Variants in MSRB3 observed in about 807,000 individuals in gnomAD.
The protein encoded by MSRB3 is methionine sulfoxide reductase B3.
A neutral mutation model predicts 21.0 loss-of-function variants in MSRB3; 13 were observed. That is an observed-to-expected ratio of 0.62 (90% confidence interval 0.40 to 0.98). MSRB3 has a LOEUF of 0.98. Ranked by LOEUF, MSRB3 falls within the 50% of genes least tolerant of loss-of-function variation. The probability of loss-of-function intolerance (pLI) is 0.00; values close to 1 mark genes in which losing one functional copy is unlikely to be tolerated. For missense variants in MSRB3, 199 were observed against 230.3 expected (o/e 0.86, Z 0.88); for synonymous variants, 87 against 88.6 (o/e 0.98, Z 0.10).
Position 65,425,181 on chromosome 12 carries a change from C to G in MSRB3, c.293-28547C>G, listed in dbSNP as rs151027323. ...TCTGATATAAATATAGCTACACATA[C>G]TCTCTTGGTTTCTATTTACATGGAA... On this transcript the variant is annotated intron_variant, in intron 5 of 6. Transcript: ENST00000308259. Among the ~76,000 whole-genome samples, 4 of 109,710 alleles carry G rather than the reference C, an allele frequency of 3.6e-5. No individual in the cohort carries two copies. In the East Asian group the frequency reaches 1.1e-3, roughly 29 times the overall value. The allele number at this position is 109,710 out of a possible 152,430, so 72.0% of individuals were successfully genotyped here.
chr12:65,373,151 A>G (rs1878415897), intron 5 of MSRB3, among the ~76,000 whole-genome samples: 2 of 152,326 alleles, frequency 1.3e-5, no homozygotes, highest in Middle Eastern at 3.4e-3. Flanking sequence ...TTTCAAGAAC[A>G]TGCACGTCTC....
At chr12:65,360,789 T>C (rs1411683186) in intron 4 of MSRB3, among the ~76,000 whole-genome samples, 1 of 152,224 alleles carries the variant, frequency 6.6e-6, no homozygotes, top group Non-Finnish European at 1.5e-5. Flanking sequence ...CCAGGTCTTC[T>C]GATTCTTACT....
intron 5 of MSRB3, among the ~76,000 whole-genome samples, chr12:65,384,103 T>C (rs887700936): frequency 1.3e-5 from 2 of 152,216 alleles, no homozygotes; most frequent in African/African-American, 2.4e-5. Context: ...TTGTAACCAG[T>C]TTTAAAGAAA....
At chr12:65,428,193 A>G (rs1199650109) in intron 5 of MSRB3, among the ~76,000 whole-genome samples, 2 of 152,234 alleles carry the variant, frequency 1.3e-5, no homozygotes, top group Non-Finnish European at 2.9e-5. Context: ...GCTGAGGACC[A>G]TGGTGGTTTT....
chr12:65,293,628 A>G (rs1413664769), intron 1 of MSRB3, among the ~76,000 whole-genome samples: 1 of 152,182 alleles, frequency 6.6e-6, no homozygotes, highest in Non-Finnish European at 1.5e-5. Flanking sequence ...CTCATGCCCC[A>G]CAAGCTACAG....
At chr12:65,429,060 C>A (rs1220063312) in intron 5 of MSRB3, among the ~76,000 whole-genome samples, 2 of 152,102 alleles carry the variant, frequency 1.3e-5, no homozygotes, top group Non-Finnish European at 2.9e-5. Flanking sequence ...GTTTTAAACA[C>A]ATCCATTAAG....
intron 5 of MSRB3, among the ~76,000 whole-genome samples, chr12:65,410,488 CA>C (rs747078185): frequency 6.6e-6 from 1 of 151,984 alleles, no homozygotes; most frequent in Non-Finnish European, 1.5e-5. Flanking sequence ...CAAAAAAATA[CA>C]AAAAATTAGC....
Position 65,465,050 on chromosome 12 carries a change from A to G in MSRB3, c.*1728A>G, listed in dbSNP as rs1328105618. 6.6e-6 allele frequency: 1 copy of G among 152,260 alleles called. No individual in the cohort carries two copies. Among genetic ancestry groups the G allele is most frequent in the East Asian group, 1.9e-4 (1 of 5,204 alleles). The allele number at this position is 152,260 out of a possible 1,614,324, so 9.4% of individuals were successfully genotyped here. A position where few individuals can be genotyped will look rare whatever the true frequency, so the allele number is the denominator to read the frequency against. Reference sequence around the variant, plus strand: ...TCTGGTTCTAATTGCCTCAAAGGCCAAAGCCCAGGCATTTGAAATGGAAAG... The same window carrying G: ...TCTGGTTCTAATTGCCTCAAAGGCCGAAGCCCAGGCATTTGAAATGGAAAG... On this transcript the variant is annotated 3_prime_UTR_variant, in exon 7 of 7. Coordinates refer to ENST00000308259, the MANE Select transcript of MSRB3 (RefSeq NM_001031679.3).
At chr12:65,328,303 A>AT (rs968272734) in intron 3 of MSRB3, among the ~76,000 whole-genome samples, 94 of 151,810 alleles carry the variant, frequency 6.2e-4, no homozygotes, top group African/African-American at 2.0e-3. Flanking sequence ...AGATGGCTTG[A>AT]TTTTTTTATG....
intron 5 of MSRB3, among the ~76,000 whole-genome samples, chr12:65,420,786 T>C (rs774002811): frequency 6.6e-6 from 1 of 152,234 alleles, no homozygotes; most frequent in South Asian, 2.1e-4. Flanking sequence ...TCCATGTTTC[T>C]GCATATGACA....
At chr12:65,455,630 T>C (rs1314274545) in intron 6 of MSRB3, among the ~76,000 whole-genome samples, 1 of 152,202 alleles carries the variant, frequency 6.6e-6, no homozygotes, top group African/African-American at 2.4e-5. Flanking sequence ...ATTGGGGTAC[T>C]CTCCAGAGCT....
intron 4 of MSRB3, among the ~76,000 whole-genome samples, chr12:65,354,373 T>C (rs991246642): frequency 2.9e-4 from 44 of 152,046 alleles, no homozygotes; most frequent in African/African-American, 9.9e-4. Flanking sequence ...CAATCAGACG[T>C]AGATTTGGTC....
At chr12:65,432,962 A>T (rs1232713413) in intron 5 of MSRB3, among the ~76,000 whole-genome samples, 2 of 151,926 alleles carry the variant, frequency 1.3e-5, no homozygotes, top group Non-Finnish European at 2.9e-5. Context: ...GCTATTATTA[A>T]AAAACAACAA....
At chr12:65,313,920 CA>C (rs549395973) in intron 2 of MSRB3, among the ~76,000 whole-genome samples, 25 of 152,282 alleles carry the variant, frequency 1.6e-4, no homozygotes, top group Admixed American at 1.6e-3. Context: ...ACTAGGTTTA[CA>C]TTCTTTCATA....
intron 2 of MSRB3, among the ~76,000 whole-genome samples, chr12:65,318,432 G>C (rs1161764146): frequency 2.0e-5 from 3 of 152,172 alleles, no homozygotes; most frequent in Non-Finnish European, 4.4e-5. Flanking sequence ...GAGGATGAGA[G>C]AGCGAGCTAT....
At chr12:65,391,614 C>A (rs764664622) in intron 5 of MSRB3, among the ~76,000 whole-genome samples, 2 of 152,026 alleles carry the variant, frequency 1.3e-5, no homozygotes, top group African/African-American at 2.4e-5. Context: ...ACAGAATGTT[C>A]TCAAAAAAGG....
chr12:65,404,961 T>TC (rs1248673313), intron 5 of MSRB3, among the ~76,000 whole-genome samples: 1 of 144,054 alleles, frequency 6.9e-6, no homozygotes, highest in Admixed American at 6.9e-5. Context: ...CTACTCAACT[T>TC]TTTTTTTTTT....
At chr12:65,308,763 T>C in intron 2 of MSRB3, 108 bp downstream of exon 2, 3 of 1,509,910 alleles carry the variant, frequency 2.0e-6, no homozygotes, top group Non-Finnish European at 1.8e-6. Flanking sequence ...TTTCTTTTAC[T>C]TGGGCCCTAA....
intron 4 of MSRB3, among the ~76,000 whole-genome samples, chr12:65,336,146 A>G (rs1339832767): frequency 6.6e-6 from 1 of 152,218 alleles, no homozygotes; most frequent in Non-Finnish European, 1.5e-5. Context: ...CTTCAACTCA[A>G]CTGAAAACTC....
Sources: gnomAD v4.1 joint callset for allele counts (sites outside exome capture counted in the v4.1 genomes callset) on GRCh38, gnomAD v4.1.1 for gene constraint, MANE v1.5 for transcripts, NCBI Gene and HGNC (gene_info 2026-07-23, HGNC 2026-07-21) for gene names.